SULT1C4: variants seen among roughly 807,000 people sequenced by gnomAD.
SULT1C4 encodes sulfotransferase family 1C member 4, also known as sulfotransferase 1C4.
In SULT1C4, 32 loss-of-function variants were observed where a neutral mutation model predicts 34.8. That is an observed-to-expected ratio of 0.92 (90% CI 0.69 to 1.23). The LOEUF (loss-of-function observed/expected upper bound fraction) is 1.23. SULT1C4 is among the 50% of genes most tolerant of loss of function. The pLI is 0.00. For synonymous variants in SULT1C4, 111 were observed against 120.5 expected, an observed-to-expected ratio of 0.92 and a Z score of 0.51; for missense variants, 375 against 365.9, an observed-to-expected ratio of 1.02 and a Z score of -0.20.
rs1229562613 is a variant in SULT1C4 at position 108,378,446 on chromosome 2, A to G, written c.109A>G (p.Lys37Glu). Reference sequence around the variant, plus strand: ...GACAGACACCTGTGACATCTGGGATAAGATCTGGAACTTCCAAGCCAAGCC... The same window carrying G: ...GACAGACACCTGTGACATCTGGGATGAGATCTGGAACTTCCAAGCCAAGCC... Reference protein sequence around the residue: ...QPTDTCDIWDKIWNFQAKPDD... With the variant: ...QPTDTCDIWDEIWNFQAKPDD... Residue 37 changes from lysine (K) to glutamate (E), a missense_variant, in exon 1 of 7, where the codon AAG (lysine) becomes GAG (glutamate). Transcript: ENST00000272452. 6.2e-7 allele frequency: 1 copy of G among 1,614,206 alleles called. No homozygotes were observed. The highest frequency in any genetic ancestry group is 1.7e-5 in the Admixed American group (1 of 60,022).
intron 4 of SULT1C4, 46 bp from the exon 5 acceptor site, chr2:108,383,370 T>C (rs1461436111): frequency 6.9e-6 from 11 of 1,602,956 alleles, no homozygotes; most frequent in African/African-American, 6.7e-5. Flanking sequence ...AGTGGTATAA[T>C]AGGACCTCTG....
chr2:108,383,854 G>T (rs953811894), intron 5 of SULT1C4, among the ~76,000 whole-genome samples: 7 of 140,896 alleles, frequency 5.0e-5, no homozygotes, highest in East Asian at 2.0e-4. Flanking sequence ...TGGTTTTTGG[G>T]TTTTTTTTGT....
chr2:108,387,563 A>T lies in SULT1C4; in HGVS notation c.*131A>T. 1.5e-6 allele frequency: 1 copy of T among 661,794 alleles called. No homozygotes were observed. The highest frequency in any genetic ancestry group is 2.4e-5 in the South Asian group (1 of 42,112). 41.0% of individuals were successfully genotyped at this position (661,794 alleles called of 1,614,324 possible). On this transcript the variant is annotated 3_prime_UTR_variant, in exon 7 of 7. Transcript: ENST00000272452. ...TAGTTTACTGTGTTTGCTCTTATTC[A>T]CTCTACTAAAAAATTATTTTAAAAG...
At chr2:108,383,297 A>T in intron 4 of SULT1C4, 78 bp downstream of exon 4, 1 of 1,589,856 alleles carries the variant, frequency 6.3e-7, no homozygotes, top group Non-Finnish European at 8.5e-7. Context: ...TTTTCTTTTG[A>T]CCAGCAGGGG....
At chr2:108,382,938 C>T in intron 3 of SULT1C4, 155 bp from the exon 4 acceptor site, 1 of 382,924 alleles carries the variant, frequency 2.6e-6, no homozygotes, top group Non-Finnish European at 4.3e-6. Flanking sequence ...AAAAGTCTCC[C>T]ATAACCAGGA....
At position 108,388,618 on chromosome 2, in the gene SULT1C4, T is replaced by C. The variant is rs1010010428; in HGVS notation, c.*1186T>C. 6.6e-6 allele frequency among the ~76,000 whole-genome samples: 1 copy of C among 152,210 alleles called. No homozygotes were observed. The highest frequency in any genetic ancestry group is 2.4e-5 in the African/African-American group (1 of 41,444). ...TCAAAATCCTTCAATGGCTGAACTT[T>C]CACTGCCTGAAAGATAAATCCCAAG... On this transcript the variant is annotated 3_prime_UTR_variant, in exon 7 of 7. Coordinates refer to ENST00000272452, the MANE Select transcript of SULT1C4 (RefSeq NM_006588.4).
Position 108,378,369 on chromosome 2 carries a change from T to A in SULT1C4, c.32T>A (p.Phe11Tyr), listed in dbSNP as rs756602979. Residue 11 changes from phenylalanine to tyrosine, a missense_variant, in exon 1 of 7, where the codon TTT becomes TAT. By Grantham distance (22) the Phe-to-Tyr change is conservative. Coordinates refer to ENST00000272452, the MANE Select transcript of SULT1C4 (RefSeq NM_006588.4). ...TTACACGACATGGAGGATTTTACAT[T>A]TGATGGAACAAAGCGCTTAAGTGTC... Reference protein sequence around the residue: MALHDMEDFTFDGTKRLSVNY... With the variant: MALHDMEDFTYDGTKRLSVNY... 3 of 1,613,984 alleles carry A rather than the reference T, an allele frequency of 1.9e-6. No individual in the cohort carries two copies. The highest frequency in any genetic ancestry group is 1.7e-6 in the Non-Finnish European group (2 of 1,179,994).
intron 5 of SULT1C4, among the ~76,000 whole-genome samples, chr2:108,385,871 T>G (rs943363059): frequency 2.0e-5 from 3 of 152,244 alleles, no homozygotes; most frequent in Admixed American, 6.5e-5. Flanking sequence ...TGAAATGCCT[T>G]GAGCAGGGCT....
chr2:108,382,359 A>C lies in SULT1C4; in HGVS notation c.296-26A>C, dbSNP rs749819824. 4 of 1,593,038 alleles carry C rather than the reference A, an allele frequency of 2.5e-6. No individual in the cohort carries two copies. The South Asian group carries it at 4.5e-5, about 18-fold the overall frequency. On this transcript the variant is annotated intron_variant, in intron 2 of 6. Coordinates refer to ENST00000272452, the MANE Select transcript of SULT1C4 (RefSeq NM_006588.4). ...CAAATAGATAAAAAAAAAATCGTAG[A>C]AATTGATCGAAAACCAGTTTTGCAG...
At chr2:108,381,340 A>G (rs539478437) in intron 1 of SULT1C4, among the ~76,000 whole-genome samples, 1 of 152,298 alleles carries the variant, frequency 6.6e-6, no homozygotes, top group African/African-American at 2.4e-5. Context: ...CCTAGCTTTT[A>G]AATTCACATA....
chr2:108,383,959 C>G (rs2104346234), intron 5 of SULT1C4, among the ~76,000 whole-genome samples: 1 of 151,898 alleles, frequency 6.6e-6, no homozygotes, highest in African/African-American at 2.4e-5. Flanking sequence ...AGCTCCGCCT[C>G]CCGGGTTCAA....
chr2:108,384,801 TAC>T (rs1353282892), intron 5 of SULT1C4, among the ~76,000 whole-genome samples: 3 of 152,204 alleles, frequency 2.0e-5, no homozygotes, highest in Non-Finnish European at 4.4e-5. Context: ...TATACAGAAT[TAC>T]AGTGTCTGTT....
chr2:108,380,289 G>T (rs2104340441), intron 1 of SULT1C4, among the ~76,000 whole-genome samples: 1 of 152,234 alleles, frequency 6.6e-6, no homozygotes, highest in South Asian at 2.1e-4. Context: ...CAAGACAGGG[G>T]GATCTTTTGA....
rs1484278678 is a variant in SULT1C4 at position 108,378,254 on chromosome 2, G to C, written c.-84G>C. The C allele has an allele frequency of 7.4e-6, 10 of 1,342,986 alleles. No homozygotes were observed. Among genetic ancestry groups the C allele is most frequent in the Non-Finnish European group, 9.4e-6 (9 of 961,096 alleles). The allele number at this position is 1,342,986 out of a possible 1,614,324, so 83.2% of individuals were successfully genotyped here. ...GGATAGTGTGGTAGTGTGGTGGATAGAGTGCTGCCTCTATCCACAACGCAG... is the reference window on the plus strand; with the variant it reads ...GGATAGTGTGGTAGTGTGGTGGATACAGTGCTGCCTCTATCCACAACGCAG... On this transcript the variant is annotated 5_prime_UTR_variant, in exon 1 of 7. Transcript: ENST00000272452.
chr2:108,378,114 C>T lies in SULT1C4; in HGVS notation c.-224C>T. On this transcript the variant is annotated 5_prime_UTR_variant, in exon 1 of 7. Coordinates refer to ENST00000272452, the MANE Select transcript of SULT1C4 (RefSeq NM_006588.4). ...GAGGGGGCTGCAGTTCCTCAGGAAA[C>T]TGCCAGTGGACAAAGTCATAAACAA... 2.8e-6 allele frequency: 1 copy of T among 360,556 alleles called. No homozygotes were observed. The highest frequency in any genetic ancestry group is 2.2e-5 in the African/African-American group (1 of 45,354). 22.3% of individuals were successfully genotyped at this position (360,556 alleles called of 1,614,324 possible).
intron 3 of SULT1C4, chr2:108,382,719 C>G (rs1678442661): frequency 2.2e-6 from 1 of 446,560 alleles, no homozygotes; most frequent in East Asian, 4.1e-5. Flanking sequence ...GCCTGACCAA[C>G]ACGGCGAAAC....
chr2:108,382,819 C>T (rs979813397), intron 3 of SULT1C4: 7 of 335,908 alleles, frequency 2.1e-5, no homozygotes, highest in African/African-American at 1.3e-4. Flanking sequence ...AGGAGACTCG[C>T]TTGAACACAG....
At position 108,386,185 on chromosome 2, in the gene SULT1C4, A is replaced by G. The variant is rs768688196; in HGVS notation, c.616-7A>G. 7 of 1,454,730 alleles carry G rather than the reference A, an allele frequency of 4.8e-6. No homozygotes were observed. The South Asian group carries it at 8.1e-5, about 17-fold the overall frequency. 90.1% of individuals were successfully genotyped at this position (1,454,730 alleles called of 1,614,324 possible). On this transcript the variant is annotated splice_region_variant and splice_polypyrimidine_tract_variant and intron_variant, in intron 5 of 6. Transcript: ENST00000272452. ...AATCATTACTTTTCTTTTGACTCTG[A>G]TCATAGAACCCAAAGCATGAAATTC...
intron 1 of SULT1C4, among the ~76,000 whole-genome samples, chr2:108,379,658 C>G (rs545988981): frequency 6.6e-5 from 10 of 152,238 alleles, no homozygotes; most frequent in African/African-American, 1.9e-4. Flanking sequence ...TACTTGCCAT[C>G]TAAAGTAATA....
Sources: gnomAD v4.1 joint callset for allele counts (sites outside exome capture counted in the v4.1 genomes callset) on GRCh38, gnomAD v4.1.1 for gene constraint, MANE v1.5 for transcripts, NCBI Gene and HGNC (gene_info 2026-07-23, HGNC 2026-07-21) for gene names.